The following NKAIN2 variants were observed in gnomAD, a reference collection of about 807,000 sequenced individuals.
NKAIN2 encodes the protein sodium/potassium-transporting ATPase subunit beta-1-interacting protein 2.
NKAIN2 carries 14 observed loss-of-function variants against 32.6 expected under a neutral mutation model. That is an observed-to-expected ratio of 0.43 (90% CI 0.28 to 0.67). The LOEUF (loss-of-function observed/expected upper bound fraction) is 0.67, where lower values mean the gene tolerates loss of function less well. Ranked by LOEUF, NKAIN2 falls within the 30% of genes least tolerant of loss-of-function variation. NKAIN2 has a pLI of 0.17. For missense variants in NKAIN2, 198 were observed against 258.3 expected (o/e 0.77, Z 1.60); for synonymous variants, 80 against 87.2 (o/e 0.92, Z 0.46).
chr6:124,572,613 A>C (rs954683703), intron 3 of NKAIN2, among the ~76,000 whole-genome samples: 4 of 151,998 alleles, frequency 2.6e-5, no homozygotes, highest in Non-Finnish European at 5.9e-5. Flanking sequence ...TCATATGAAT[A>C]GTCACACAAA....
intron 3 of NKAIN2, chr6:124,490,237 A>G (rs1777807414): frequency 3.5e-6 from 1 of 283,066 alleles, no homozygotes. Context: ...AGAAAAAAAA[A>G]CTAAGCCAAT....
intron 2 of NKAIN2, among the ~76,000 whole-genome samples, chr6:124,332,796 G>A (rs1797716817): frequency 6.6e-6 from 1 of 152,108 alleles, no homozygotes. Flanking sequence ...TTGCCCATGG[G>A]CACTGCAGCT....
At chr6:124,438,133 T>C (rs1775539883) in intron 3 of NKAIN2, among the ~76,000 whole-genome samples, 1 of 152,156 alleles carries the variant, frequency 6.6e-6, no homozygotes, top group Admixed American at 6.6e-5. Flanking sequence ...GTTTTCATCA[T>C]TATTGGAAAA....
chr6:123,921,863 G>A (rs1391359105), intron 1 of NKAIN2, among the ~76,000 whole-genome samples: 2 of 151,794 alleles, frequency 1.3e-5, no homozygotes, highest in Non-Finnish European at 2.9e-5. Context: ...CCAAGGAGGC[G>A]GAGCTTGCAG....
intron 1 of NKAIN2, among the ~76,000 whole-genome samples, chr6:123,917,813 G>A (rs1345666250): frequency 6.6e-6 from 1 of 152,080 alleles, no homozygotes. Flanking sequence ...AATACCAAGT[G>A]AATTAAGTTC....
At chr6:124,406,411 A>G (rs1431200364) in intron 3 of NKAIN2, among the ~76,000 whole-genome samples, 1 of 152,066 alleles carries the variant, frequency 6.6e-6, no homozygotes, top group Non-Finnish European at 1.5e-5. Flanking sequence ...ACCAATAGTT[A>G]ATTTCTTTTT....
intron 2 of NKAIN2, among the ~76,000 whole-genome samples, chr6:124,325,713 A>G (rs1383711832): frequency 6.6e-6 from 1 of 152,110 alleles, no homozygotes; most frequent in Non-Finnish European, 1.5e-5. Context: ...CATAATCAGA[A>G]CAGTGGTCTT....
At chr6:124,263,143 G>A (rs1489791397) in intron 1 of NKAIN2, among the ~76,000 whole-genome samples, 1 of 152,044 alleles carries the variant, frequency 6.6e-6, no homozygotes, top group East Asian at 1.9e-4. Flanking sequence ...AGGCTTCTAG[G>A]GTTTAAGTCA....
At chr6:124,039,558 A>G (rs1781770381) in intron 1 of NKAIN2, among the ~76,000 whole-genome samples, 1 of 151,848 alleles carries the variant, frequency 6.6e-6, no homozygotes, top group Admixed American at 6.6e-5. Context: ...GTTTTTGCTT[A>G]TATTCAATCG....
chr6:124,666,909 C>T (rs911323636), intron 4 of NKAIN2, among the ~76,000 whole-genome samples: 2 of 152,024 alleles, frequency 1.3e-5, no homozygotes, highest in Non-Finnish European at 2.9e-5. Context: ...TAAGAAATTG[C>T]CTTGAAAACA....
intron 3 of NKAIN2, among the ~76,000 whole-genome samples, chr6:124,408,342 A>G (rs1203671521): frequency 6.6e-6 from 1 of 152,194 alleles, no homozygotes; most frequent in Non-Finnish European, 1.5e-5. Flanking sequence ...CTAACATGTA[A>G]GTCTTTAATC....
chr6:124,330,664 A>G (rs768213559), intron 2 of NKAIN2, among the ~76,000 whole-genome samples: 12 of 152,198 alleles, frequency 7.9e-5, no homozygotes, highest in Non-Finnish European at 1.5e-4. Flanking sequence ...TTAGCATCTC[A>G]GTCCTAAAGG....
intron 1 of NKAIN2, among the ~76,000 whole-genome samples, chr6:123,975,336 A>C (rs959195772): frequency 2.0e-5 from 3 of 152,202 alleles, no homozygotes; most frequent in Admixed American, 2.0e-4. Flanking sequence ...AGAATTATCT[A>C]TTTTCAGGTG....
chr6:124,709,946 C>G (rs1583692887), intron 4 of NKAIN2, among the ~76,000 whole-genome samples: 2 of 152,062 alleles, frequency 1.3e-5, no homozygotes, highest in Non-Finnish European at 2.9e-5. Context: ...TGGATCTTTC[C>G]TGCTTTCTCT....
At chr6:124,007,222 A>G (rs1386664519) in intron 1 of NKAIN2, among the ~76,000 whole-genome samples, 1 of 152,200 alleles carries the variant, frequency 6.6e-6, no homozygotes. Context: ...TGCAATACAA[A>G]TACGGTATTA....
At chr6:123,947,077 G>A (rs986992816) in intron 1 of NKAIN2, among the ~76,000 whole-genome samples, 5 of 152,176 alleles carry the variant, frequency 3.3e-5, no homozygotes, top group Admixed American at 1.3e-4. Flanking sequence ...GATGGGAGTC[G>A]TACTGTGGCG....
intron 1 of NKAIN2, among the ~76,000 whole-genome samples, chr6:124,161,819 G>C (rs1444090151): frequency 6.6e-6 from 1 of 152,042 alleles, no homozygotes; most frequent in Non-Finnish European, 1.5e-5. Context: ...AGGCGGAAAG[G>C]ATTGAAAAAC....
intron 1 of NKAIN2, among the ~76,000 whole-genome samples, chr6:123,821,164 A>T (rs1436679238): frequency 6.6e-6 from 1 of 152,198 alleles, no homozygotes; most frequent in Non-Finnish European, 1.5e-5. Context: ...GAAGAGTATA[A>T]AAAACGCTGA....
chr6:123,976,372 CATATATAT>C (rs60189624), intron 1 of NKAIN2, among the ~76,000 whole-genome samples: 298 of 10,878 alleles, frequency 0.027, 6 homozygotes, highest in Middle Eastern at 0.083. Flanking sequence ...TATATATTCC[CATATATAT>C]ATATATATAT....
Sources: allele counts gnomAD v4.1 joint callset (sites outside exome capture counted in the v4.1 genomes callset), GRCh38; gene constraint gnomAD v4.1.1; transcripts MANE v1.5; gene names NCBI Gene and HGNC (gene_info 2026-07-23, HGNC 2026-07-21).